Variants in GOLGB1 observed in about 807,000 individuals in gnomAD.
GOLGB1 encodes golgin B1, also known as golgin subfamily B member 1.
A neutral mutation model predicts 336.9 loss-of-function variants in GOLGB1; 174 were observed. That is an observed-to-expected ratio of 0.52 (90% CI 0.46 to 0.59). The LOEUF is 0.59. Ranked by LOEUF, GOLGB1 falls within the 20% of genes least tolerant of loss-of-function variation. The probability of loss-of-function intolerance (pLI) is 0.00; values close to 1 mark genes in which losing one functional copy is unlikely to be tolerated. For synonymous variants in GOLGB1, 1,208 were observed against 1,289.2 expected, an observed-to-expected ratio of 0.94 and a Z score of 1.35; for missense variants, 3,331 against 3,645.3, an observed-to-expected ratio of 0.91 and a Z score of 2.22.
chr3:121,727,297 T>C (rs1227716186), intron 4 of GOLGB1, among the ~76,000 whole-genome samples: 104 of 19,982 alleles, frequency 5.2e-3, no homozygotes, highest in Middle Eastern at 0.011. Flanking sequence ...CACACACATA[T>C]ATATATATAT....
intron 1 of GOLGB1, among the ~76,000 whole-genome samples, chr3:121,737,472 G>A (rs945012014): frequency 1.6e-4 from 24 of 151,836 alleles, no homozygotes; most frequent in African/African-American, 5.3e-4. Flanking sequence ...CCAACATGGT[G>A]AAATCCCGTC....
chr3:121,667,487 C>T lies in GOLGB1; in HGVS notation c.9543G>A (p.Glu3181=). 6.2e-7 allele frequency: 1 copy of T among 1,613,966 alleles called. No individual in the cohort carries two copies. Among genetic ancestry groups the T allele is most frequent in the Non-Finnish European group, 8.5e-7 (1 of 1,179,882 alleles). Residue 3181 remains glutamate (E), a synonymous_variant, in exon 20 of 22, where the codon GAG becomes GAA. Transcript: ENST00000614479. The part of the protein sequence containing the change: ...AAENALSVAE[E]QIRRLEHSEW... ...CCTTCAGCCTTTACCGTCTGATCTGCTCCTCGGCCACAGAGAGAGCATTCT... is the reference window on the plus strand; with the variant it reads ...CCTTCAGCCTTTACCGTCTGATCTGTTCCTCGGCCACAGAGAGAGCATTCT...
intron 6 of GOLGB1, among the ~76,000 whole-genome samples, 183 bp from the exon 7 acceptor site, chr3:121,719,951 G>A (rs1945062579): frequency 6.6e-6 from 1 of 152,158 alleles, no homozygotes; most frequent in African/African-American, 2.4e-5. Flanking sequence ...TATGAAATGC[G>A]AGAGAAAGCC....
Position 121,726,928 on chromosome 3 carries a change from T to C in GOLGB1, c.516A>G (p.Ala172=), listed in dbSNP as rs745511281. Reference sequence around the variant, plus strand: ...CCACCCCTACCTGTGCAGGTTGTTCTGCCTGTGCCTGAGTAAGCTGGGCTT... The same window carrying C: ...CCACCCCTACCTGTGCAGGTTGTTCCGCCTGTGCCTGAGTAAGCTGGGCTT... ...TLQAQLTQAQ[A]EQPAQSSTEM... Residue 172 remains alanine (A), a synonymous_variant, in exon 5 of 22, where the codon GCA becomes GCG. Transcript: ENST00000614479. The C allele has an allele frequency of 1.3e-6, 2 of 1,599,494 alleles. No homozygotes were observed. Among genetic ancestry groups the C allele is most frequent in the Admixed American group, 3.4e-5 (2 of 58,594 alleles).
chr3:121,720,416 G>A (rs549915103), intron 6 of GOLGB1, among the ~76,000 whole-genome samples: 36 of 152,300 alleles, frequency 2.4e-4, no homozygotes, highest in African/African-American at 8.4e-4. Flanking sequence ...TAAATGGACT[G>A]ATGGTGAGCT....
intron 10 of GOLGB1, among the ~76,000 whole-genome samples, chr3:121,712,594 G>T (rs929213419): frequency 6.6e-6 from 1 of 152,038 alleles, no homozygotes; most frequent in Non-Finnish European, 1.5e-5. Flanking sequence ...AATATATAAA[G>T]AATTCCTACT....
Position 121,695,826 on chromosome 3 carries a change from T to G in GOLGB1, c.4697A>C (p.Glu1566Ala). Residue 1566 changes from glutamate to alanine, a missense_variant, in exon 13 of 22, where the codon GAA becomes GCA. By Grantham distance (107) the Glu-to-Ala change is moderately radical. Transcript: ENST00000614479. ...LITEMDRSLLENQSLSSSCES... is the reference protein window; with the variant it reads ...LITEMDRSLLANQSLSSSCES... ...ACAGGAGCTGCTGAGACTCTGATTTTCCAATAAAGACCTGTCCATTTCTGT... is the reference window on the plus strand; with the variant it reads ...ACAGGAGCTGCTGAGACTCTGATTTGCCAATAAAGACCTGTCCATTTCTGT... The G allele has an allele frequency of 6.2e-7, 1 of 1,614,078 alleles. No individual in the cohort carries two copies. The highest frequency in any genetic ancestry group is 1.1e-5 in the South Asian group (1 of 91,084).
At chr3:121,744,246 C>T (rs1033658335) in intron 1 of GOLGB1, among the ~76,000 whole-genome samples, 4 of 151,980 alleles carry the variant, frequency 2.6e-5, no homozygotes, top group African/African-American at 9.7e-5. Context: ...TTATCATCAT[C>T]CCCATTTTAT....
Position 121,694,296 on chromosome 3 carries a change from T to G in GOLGB1, c.6227A>C (p.Lys2076Thr), listed in dbSNP as rs905559529. 3.1e-6 allele frequency: 5 copies of G among 1,610,700 alleles called. No individual in the cohort carries two copies. Among genetic ancestry groups the G allele is most frequent in the Non-Finnish European group, 3.4e-6 (4 of 1,179,930 alleles). The change falls in exon 13 of 22, where the codon AAA (lysine) becomes ACA (threonine). Residue 2076 changes from lysine to threonine, a missense_variant. By Grantham distance (78) the Lys-to-Thr change is moderately conservative. Coordinates refer to ENST00000614479, the MANE Select transcript of GOLGB1 (RefSeq NM_001366282.2). ...GCTAGCTAATTCTGCTTGTGCCTTT[T>G]TGCGGTGTTCAACTGCTTGAGCCAG... ...ENLAQAVEHRKKAQAELASFK... is the reference protein window; with the variant it reads ...ENLAQAVEHRTKAQAELASFK...
chr3:121,694,063 G>A lies in GOLGB1; in HGVS notation c.6460C>T (p.Arg2154Cys), dbSNP rs114710035. Residue 2154 changes from arginine to cysteine, a missense_variant, in exon 13 of 22, where the codon CGC becomes TGC. By Grantham distance (180) the Arg-to-Cys change is radical. Transcript: ENST00000614479. ...KNMQEKLDAL[R>C]REKVHLEETI... is the part of the protein sequence containing the mutation. The stretch of plus-strand genomic sequence containing the variant: ...TCTTCCAAGTGGACTTTTTCTCTGC[G>A]CAAAGCATCCAGTTTCTCTTGCATA... 55 of 1,613,702 alleles carry A rather than the reference G, an allele frequency of 3.4e-5. No homozygotes were observed. The highest frequency in any genetic ancestry group is 2.4e-4 in the African/African-American group (18 of 74,922).
chr3:121,692,332 T>C lies in GOLGB1; in HGVS notation c.7032A>G (p.Glu2344=). 2 of 1,607,996 alleles carry C rather than the reference T, an allele frequency of 1.2e-6. No individual in the cohort carries two copies. Among genetic ancestry groups the C allele is most frequent in the Non-Finnish European group, 1.7e-6 (2 of 1,178,478 alleles). ...CAGCCTCTTGCTGCCTTATGATCCCTTCCAAGTTTCCTTTTTGTTCCTTAC... is the reference window on the plus strand; with the variant it reads ...CAGCCTCTTGCTGCCTTATGATCCCCTCCAAGTTTCCTTTTTGTTCCTTAC... ...EKCKEQKGNL[E]GIIRQQEADI... Residue 2344 remains glutamate (E), a synonymous_variant, in exon 14 of 22, where the codon GAA becomes GAG. Coordinates refer to ENST00000614479, the MANE Select transcript of GOLGB1 (RefSeq NM_001366282.2).
At chr3:121,737,756 A>G (rs1946579501) in intron 1 of GOLGB1, among the ~76,000 whole-genome samples, 1 of 152,202 alleles carries the variant, frequency 6.6e-6, no homozygotes, top group Non-Finnish European at 1.5e-5. Flanking sequence ...ACTGGGGATA[A>G]TAATAGTGTT....
chr3:121,681,629 A>G, intron 15 of GOLGB1, 58 bp downstream of exon 15: 1 of 1,222,648 alleles, frequency 8.2e-7, no homozygotes, highest in South Asian at 1.4e-5. Flanking sequence ...ATCTACAATT[A>G]TTTCAAAATA....
intron 4 of GOLGB1, among the ~76,000 whole-genome samples, chr3:121,727,794 C>T (rs914395480): frequency 1.3e-5 from 2 of 152,140 alleles, no homozygotes; most frequent in African/African-American, 4.8e-5. Context: ...TACTTTTATA[C>T]TTTCACATAA....
At chr3:121,672,953 T>C (rs1045259185) in intron 17 of GOLGB1, among the ~76,000 whole-genome samples, 2 of 152,356 alleles carry the variant, frequency 1.3e-5, no homozygotes, top group Non-Finnish European at 2.9e-5. Context: ...CCTGGCTTTA[T>C]ACCTGGGTTT....
chr3:121,737,566 A>T (rs1241453803), intron 1 of GOLGB1, among the ~76,000 whole-genome samples: 1 of 151,710 alleles, frequency 6.6e-6, no homozygotes, highest in East Asian at 1.9e-4. Context: ...CAGACGAATC[A>T]CTTGAACCTG....
chr3:121,722,321 C>G lies in GOLGB1; in HGVS notation c.589G>C (p.Glu197Gln), dbSNP rs1005491808. 1 of 1,612,972 alleles carries G rather than the reference C, an allele frequency of 6.2e-7. No homozygotes were observed. The highest frequency in any genetic ancestry group is 1.3e-5 in the African/African-American group (1 of 74,890). Residue 197 changes from glutamate (E) to glutamine (Q), a missense_variant, in exon 6 of 22, where the codon GAA becomes CAA. Glu to Gln is a conservative substitution (Grantham distance 29). Coordinates refer to ENST00000614479, the MANE Select transcript of GOLGB1 (RefSeq NM_001366282.2). ...TGGGCTTGTAAAGTGCTAATGAATT[C>G]TTCCTTCTCCTGGAGCTGTTGCTTC... is the stretch of plus-strand genomic sequence containing the variant. ...MMKQQLQEKE[E>Q]FISTLQAQLS...
chr3:121,688,643 G>A (rs1220705692), intron 14 of GOLGB1, among the ~76,000 whole-genome samples: 9 of 151,942 alleles, frequency 5.9e-5, no homozygotes, highest in East Asian at 3.9e-4. Flanking sequence ...CTGCCTGGCC[G>A]CCCATCGTCT....
At chr3:121,708,811 AAAG>A (rs1178516633) in intron 10 of GOLGB1, among the ~76,000 whole-genome samples, 4 of 152,216 alleles carry the variant, frequency 2.6e-5, no homozygotes, top group South Asian at 4.1e-4. Context: ...AGGCAGGAAA[AAAG>A]AAGAAGGGAA....
Sources: gnomAD v4.1 joint callset for allele counts (sites outside exome capture counted in the v4.1 genomes callset) on GRCh38, gnomAD v4.1.1 for gene constraint, MANE v1.5 for transcripts, NCBI Gene and HGNC (gene_info 2026-07-23, HGNC 2026-07-21) for gene names.